Variants in ANK2 observed in about 807,000 individuals in gnomAD.
ANK2 encodes the protein ankyrin-2.
In ANK2, 83 loss-of-function variants were observed where a neutral mutation model predicts 360.5. The ratio of observed to expected loss-of-function variants is 0.23; its 90% CI spans 0.19 to 0.28. The LOEUF (loss-of-function observed/expected upper bound fraction) is 0.28, where lower values mean the gene tolerates loss of function less well. ANK2 is among the 10% of genes least tolerant of loss of function. The probability of loss-of-function intolerance (pLI) is 1.00; values close to 1 mark genes in which losing one functional copy is unlikely to be tolerated. For synonymous variants in ANK2, 1,740 were observed against 1,759.5 expected (o/e 0.99, Z 0.28); for missense variants, 4,201 against 4,795.7 (o/e 0.88, Z 3.66).
At chr4:112,984,787 G>T (rs7684713) in intron 2 of ANK2, among the ~76,000 whole-genome samples, 9,837 of 152,078 alleles carry the variant, frequency 0.065, 798 homozygotes, top group African/African-American at 0.19. Flanking sequence ...ATGGTCAGAA[G>T]TGAGCTCATG....
At chr4:113,050,343 C>CT (rs1379039973) in intron 1 of ANK2, among the ~76,000 whole-genome samples, 2 of 152,090 alleles carry the variant, frequency 1.3e-5, no homozygotes, top group African/African-American at 4.8e-5. Context: ...CTTTGGCTTG[C>CT]TTAGCTCCTC....
intron 22 of ANK2, among the ~76,000 whole-genome samples, chr4:113,302,233 C>G (rs1277673848): frequency 1.3e-5 from 2 of 152,188 alleles, no homozygotes; most frequent in African/African-American, 4.8e-5. Flanking sequence ...AAATAAGCAA[C>G]AAACCAGAAC....
At chr4:112,897,979 G>T (rs964448177) in intron 1 of ANK2, among the ~76,000 whole-genome samples, 4 of 152,008 alleles carry the variant, frequency 2.6e-5, no homozygotes, top group African/African-American at 9.7e-5. Flanking sequence ...TTAATTTATA[G>T]AACATAAACT....
At chr4:113,156,809 AATGT>A (rs2097317372) in intron 1 of ANK2, among the ~76,000 whole-genome samples, 7 of 150,428 alleles carry the variant, frequency 4.7e-5, no homozygotes, top group Admixed American at 3.3e-4. Flanking sequence ...ATATATATAA[AATGT>A]ATGTGTGTGC....
chr4:113,124,288 C>G (rs1298420293), intron 1 of ANK2, among the ~76,000 whole-genome samples: 1 of 152,142 alleles, frequency 6.6e-6, no homozygotes, highest in African/African-American at 2.4e-5. Context: ...TTCTAGGACT[C>G]CTAACACAAG....
the ANK2 span, among the ~76,000 whole-genome samples, chr4:112,769,126 G>T: frequency 1.6e-4 from 25 of 152,166 alleles, 1 homozygote; most frequent in Non-Finnish European, 3.4e-4. Flanking sequence ...AACTTGGTTG[G>T]ATAACTGGTT....
chr4:112,780,076 A>G, the ANK2 span, among the ~76,000 whole-genome samples: 2 of 151,912 alleles, frequency 1.3e-5, no homozygotes, highest in African/African-American at 4.8e-5. Flanking sequence ...TACAAAAATT[A>G]GCCAGGCTGG....
intron 7 of ANK2, among the ~76,000 whole-genome samples, chr4:113,239,315 TCTGAGTG>T (rs1218446923): frequency 1.3e-5 from 2 of 152,142 alleles, no homozygotes; most frequent in Non-Finnish European, 2.9e-5. Context: ...ACCTAAGGTA[TCTGAGTG>T]CTTATTTAGG....
intron 24 of ANK2, 111 bp downstream of exon 24, chr4:113,311,510 T>TA: frequency 1.5e-6 from 2 of 1,337,684 alleles, no homozygotes; most frequent in Non-Finnish European, 2.1e-6. Flanking sequence ...GGTACCTTAT[T>TA]AATCTCAGCA....
the ANK2 span, among the ~76,000 whole-genome samples, chr4:112,734,891 G>A: frequency 6.6e-6 from 1 of 152,020 alleles, no homozygotes; most frequent in African/African-American, 2.4e-5. Flanking sequence ...TTTAATTTTT[G>A]TTTATTTGTG....
chr4:112,897,283 G>A (rs1051399521), intron 1 of ANK2, among the ~76,000 whole-genome samples: 4 of 152,162 alleles, frequency 2.6e-5, no homozygotes, highest in Non-Finnish European at 5.9e-5. Context: ...CTTTGACCCA[G>A]TCTGCCAATA....
At chr4:113,116,801 C>T (rs1216635468) in intron 1 of ANK2, among the ~76,000 whole-genome samples, 1 of 152,202 alleles carries the variant, frequency 6.6e-6, no homozygotes, top group Admixed American at 6.5e-5. Context: ...AAACTACCCA[C>T]CCCCTAGCAG....
chr4:113,333,157 T>C lies in ANK2; in HGVS notation c.3328T>C (p.Cys1110Arg), dbSNP rs1014408669. The C allele has an allele frequency of 6.2e-7, 1 of 1,614,100 alleles. No individual in the cohort carries two copies. Among genetic ancestry groups the C allele is most frequent in the African/African-American group, 1.3e-5 (1 of 74,936 alleles). The part of the protein sequence containing the change: ...ENGDSWKEHF[C>R]DYTEDELNEI... ...TGGGGACAGCTGGAAAGAGCATTTCTGTGACTACACTGAAGATGAATTGAA... is the reference window on the plus strand; with the variant it reads ...TGGGGACAGCTGGAAAGAGCATTTCCGTGACTACACTGAAGATGAATTGAA... The change falls in exon 29 of 46, where the codon TGT becomes CGT. Residue 1110 changes from cysteine to arginine, a missense_variant. Transcript: ENST00000357077.
At chr4:112,769,093 T>A in the ANK2 span, among the ~76,000 whole-genome samples, 3 of 152,242 alleles carry the variant, frequency 2.0e-5, no homozygotes, top group African/African-American at 7.2e-5. Context: ...AGGGGACAGC[T>A]GGCTATAGAC....
At chr4:113,346,938 A>G (rs1157221943) in intron 35 of ANK2, among the ~76,000 whole-genome samples, 2 of 152,156 alleles carry the variant, frequency 1.3e-5, no homozygotes, top group African/African-American at 2.4e-5. Flanking sequence ...TTTTTAACCA[A>G]TATTTCTTTT....
At chr4:113,144,762 T>C (rs2096765314) in intron 1 of ANK2, among the ~76,000 whole-genome samples, 1 of 147,614 alleles carries the variant, frequency 6.8e-6, no homozygotes, top group African/African-American at 2.4e-5. Context: ...TTTTATATGG[T>C]TTTTAAACTA....
chr4:113,207,632 A>G (rs2098967397), intron 4 of ANK2, among the ~76,000 whole-genome samples: 1 of 147,504 alleles, frequency 6.8e-6, no homozygotes, highest in Non-Finnish European at 1.5e-5. Context: ...CTAAGAAGCT[A>G]GGTGAAACCA....
At chr4:113,103,965 C>T (rs1236249748) in intron 1 of ANK2, among the ~76,000 whole-genome samples, 3 of 152,154 alleles carry the variant, frequency 2.0e-5, no homozygotes, top group African/African-American at 4.8e-5. Flanking sequence ...TTCCTTCCCT[C>T]TGAAGACAGA....
chr4:112,791,488 T>G, the ANK2 span, among the ~76,000 whole-genome samples: 1 of 139,814 alleles, frequency 7.2e-6, no homozygotes, highest in South Asian at 2.4e-4. Context: ...TCTTTTTTTT[T>G]TTTTTTTTTT....
Sources: gnomAD v4.1 joint callset for allele counts (sites outside exome capture counted in the v4.1 genomes callset) on GRCh38, gnomAD v4.1.1 for gene constraint, MANE v1.5 for transcripts, NCBI Gene and HGNC (gene_info 2026-07-23, HGNC 2026-07-21) for gene names.